AFF3: variants seen among roughly 807,000 people sequenced by gnomAD.
AFF3 encodes AF4/FMR2 family member 3.
Under a neutral mutation model 129.7 loss-of-function variants are expected in AFF3, and 32 were observed. The observed-to-expected ratio is 0.25, with a 90% CI of 0.19 to 0.33. AFF3 has a LOEUF of 0.33. AFF3 is among the 10% of genes least tolerant of loss of function. The probability of loss-of-function intolerance (pLI) is 1.00; values close to 1 mark genes in which losing one functional copy is unlikely to be tolerated. For missense variants in AFF3, 1,373 were observed against 1,592.0 expected (o/e 0.86, Z 2.34); for synonymous variants, 644 against 635.4 (o/e 1.01, Z -0.20).
At chr2:99,589,218 T>C (rs1441233290) in intron 15 of AFF3, among the ~76,000 whole-genome samples, 3 of 151,954 alleles carry the variant, frequency 2.0e-5, no homozygotes, top group African/African-American at 4.8e-5. Flanking sequence ...GATTAACTGA[T>C]TGATTGATTC....
intron 4 of AFF3, 110 bp from the exon 5 acceptor site, chr2:100,009,042 A>T (rs1307459467): frequency 7.2e-7 from 1 of 1,397,368 alleles, no homozygotes. Flanking sequence ...AATGGTGATG[A>T]CAACAAGAAC....
intron 8 of AFF3, among the ~76,000 whole-genome samples, chr2:99,778,469 A>G (rs1218250695): frequency 1.3e-5 from 2 of 152,136 alleles, no homozygotes; most frequent in Admixed American, 1.3e-4. Context: ...GATGCCACCC[A>G]ACTCCCACCA....
At chr2:99,998,937 C>T (rs1223716459) in intron 7 of AFF3, among the ~76,000 whole-genome samples, 2 of 152,144 alleles carry the variant, frequency 1.3e-5, no homozygotes, top group African/African-American at 2.4e-5. Context: ...GTGGCAGAGA[C>T]GCTGGAAATG....
intron 13 of AFF3, among the ~76,000 whole-genome samples, chr2:99,607,517 G>A (rs1680488479): frequency 3.3e-5 from 5 of 151,398 alleles, no homozygotes; most frequent in Admixed American, 3.3e-4. Flanking sequence ...GGGCGACAGT[G>A]TGAGACTCTG....
At chr2:99,981,682 T>C (rs952868136) in intron 7 of AFF3, among the ~76,000 whole-genome samples, 1 of 152,224 alleles carries the variant, frequency 6.6e-6, no homozygotes. Flanking sequence ...CCTTTCCCTA[T>C]TGTTTTTAGA....
chr2:99,824,737 T>C (rs1558886673), intron 8 of AFF3, among the ~76,000 whole-genome samples: 1 of 152,168 alleles, frequency 6.6e-6, no homozygotes, highest in Non-Finnish European at 1.5e-5. Flanking sequence ...CCCTGAGCTG[T>C]CATCAGAAAC....
chr2:99,856,596 T>G (rs181178080), intron 7 of AFF3, among the ~76,000 whole-genome samples: 1 of 152,350 alleles, frequency 6.6e-6, no homozygotes, highest in East Asian at 1.9e-4. Flanking sequence ...TTGATTCTTA[T>G]GGACTATTCT....
chr2:99,840,646 A>C (rs1689248935), intron 7 of AFF3, among the ~76,000 whole-genome samples: 2 of 152,156 alleles, frequency 1.3e-5, no homozygotes, highest in South Asian at 4.1e-4. Context: ...CATACTTATT[A>C]CAAGCTTTCA....
intron 7 of AFF3, among the ~76,000 whole-genome samples, chr2:99,924,974 C>T (rs1223489438): frequency 6.6e-6 from 1 of 151,718 alleles, no homozygotes; most frequent in East Asian, 1.9e-4. Flanking sequence ...CTTCCGGGCT[C>T]AAGCAGTCCT....
At chr2:99,679,373 T>G (rs919957603) in intron 11 of AFF3, among the ~76,000 whole-genome samples, 5 of 152,144 alleles carry the variant, frequency 3.3e-5, no homozygotes, top group Non-Finnish European at 7.3e-5. Flanking sequence ...GACAGCAACT[T>G]CTGATGGTCC....
intron 12 of AFF3, among the ~76,000 whole-genome samples, chr2:99,668,297 G>A (rs945381301): frequency 4.0e-5 from 6 of 151,424 alleles, no homozygotes; most frequent in South Asian, 2.1e-4. Flanking sequence ...TCAGCCTCCC[G>A]AGTAGCTGGG....
At chr2:100,051,856 A>G (rs1181480834) in intron 4 of AFF3, among the ~76,000 whole-genome samples, 1 of 152,250 alleles carries the variant, frequency 6.6e-6, no homozygotes, top group Non-Finnish European at 1.5e-5. Context: ...CAATCTTTCC[A>G]ACACTATGGG....
intron 18 of AFF3, among the ~76,000 whole-genome samples, chr2:99,576,001 G>C (rs1248717435): frequency 6.6e-6 from 1 of 152,094 alleles, no homozygotes; most frequent in Non-Finnish European, 1.5e-5. Context: ...TTTGAGGCCA[G>C]GAGTTCGAGA....
chr2:100,060,041 G>A (rs773189779), intron 4 of AFF3, among the ~76,000 whole-genome samples: 2 of 151,740 alleles, frequency 1.3e-5, no homozygotes, highest in African/African-American at 2.4e-5. Context: ...ACACCCAAGG[G>A]GTCCCACACA....
Position 99,762,885 on chromosome 2 carries a change from G to A in AFF3, c.922-10584C>T, listed in dbSNP as rs147920025. Among the ~76,000 whole-genome samples the A allele has an allele frequency of 3.5e-3, 529 of 152,350 alleles. 4 individuals carry two copies. Among genetic ancestry groups the A allele is most frequent in the African/African-American group, 0.012 (506 of 41,580 alleles). On this transcript the variant is annotated intron_variant, in intron 8 of 24. Coordinates refer to ENST00000672756, the MANE Select transcript of AFF3 (RefSeq NM_001386135.1). ...TGATCACAGTGTGATTTCATTTTCA[G>A]TTTCTGTATCAGAATAATCATTCAG...
chr2:99,656,917 G>A (rs747234893), intron 12 of AFF3, among the ~76,000 whole-genome samples: 9 of 152,008 alleles, frequency 5.9e-5, no homozygotes, highest in Non-Finnish European at 1.5e-5. Context: ...AGGCAGTCAG[G>A]GATGATAATA....
chr2:99,635,159 GATATATACACATATCTCTA>G (rs1683525428), intron 13 of AFF3, among the ~76,000 whole-genome samples: 1 of 148,174 alleles, frequency 6.7e-6, no homozygotes, highest in Non-Finnish European at 1.5e-5. Context: ...CTAGGTATAT[GATATATACACATATCTCTA>G]TATATGATAT....
rs546775998 is a variant in AFF3 at position 99,942,447 on chromosome 2, T to C, written c.873+64185A>G. On this transcript the variant is annotated intron_variant, in intron 7 of 24. Transcript: ENST00000672756. ...TCAGAAAATAAGGATGATGTGCTAG[T>C]GAGTGACTGCTGGGAGCTATTTTAG... Among the ~76,000 whole-genome samples, 62 of 146,574 alleles carry C rather than the reference T, an allele frequency of 4.2e-4. 2 individuals are homozygous for C. Among genetic ancestry groups the C allele is most frequent in the Non-Finnish European group, 1.3e-4 (9 of 67,466 alleles).
In AFF3 at chr2:100,128,294, T is replaced by C. The variant is rs1692285066; in HGVS notation, c.-145+930A>G. On this transcript the variant is annotated intron_variant, in intron 2 of 24. Coordinates refer to ENST00000672756, the MANE Select transcript of AFF3 (RefSeq NM_001386135.1). ...AACTCGCCCTGAATTCTTTCTTGCG[T>C]GAGATCCAAGACCCCCTCTCTTGGA... Among the ~76,000 whole-genome samples the C allele has an allele frequency of 3.3e-5, 5 of 152,146 alleles. No individual in the cohort carries two copies. The South Asian group carries it at 1.0e-3, about 32-fold the overall frequency.
Sources: gnomAD v4.1 joint callset for allele counts (sites outside exome capture counted in the v4.1 genomes callset) on GRCh38, gnomAD v4.1.1 for gene constraint, MANE v1.5 for transcripts, NCBI Gene and HGNC (gene_info 2026-07-23, HGNC 2026-07-21) for gene names.